Variants in GPHN observed in about 807,000 individuals in gnomAD.
The protein encoded by GPHN is gephyrin.
In GPHN, 17 loss-of-function variants were observed where a neutral mutation model predicts 95.5. The observed-to-expected ratio is 0.18, with a 90% CI of 0.12 to 0.27. The LOEUF (loss-of-function observed/expected upper bound fraction) is 0.27. Ranked by LOEUF, GPHN falls within the 10% of genes least tolerant of loss-of-function variation. GPHN has a pLI of 1.00. For missense variants in GPHN, 660 were observed against 978.1 expected (o/e 0.67, Z 4.34); for synonymous variants, 320 against 322.5 (o/e 0.99, Z 0.08).
the GPHN span, chr14:67,562,231 G>A: frequency 6.2e-7 from 1 of 1,612,490 alleles, no homozygotes; most frequent in Non-Finnish European, 8.5e-7. Context: ...TCCAGCCTAT[G>A]GGCCAGGACA....
intron 10 of GPHN, among the ~76,000 whole-genome samples, chr14:67,026,240 G>A (rs548887282): frequency 1.3e-5 from 2 of 152,286 alleles, no homozygotes; most frequent in East Asian, 3.9e-4. Context: ...ATTTTAAAAT[G>A]TGGTAATAAG....
intron 1 of GPHN, among the ~76,000 whole-genome samples, chr14:66,595,298 T>C (rs923482914): frequency 1.3e-5 from 2 of 152,214 alleles, no homozygotes; most frequent in South Asian, 4.1e-4. Flanking sequence ...TACTATTTAG[T>C]GTATGTCCAA....
the GPHN span, chr14:67,374,725 G>T: frequency 2.4e-6 from 1 of 419,996 alleles, no homozygotes; most frequent in South Asian, 7.1e-5. Flanking sequence ...GACTTCAACT[G>T]CTTTAACTTG....
chr14:66,617,690 T>G (rs1375307642), intron 1 of GPHN, among the ~76,000 whole-genome samples: 3 of 152,222 alleles, frequency 2.0e-5, no homozygotes, highest in Admixed American at 6.5e-5. Context: ...ATTTCCCTTT[T>G]TCCTAGGTCG....
chr14:66,604,798 C>A (rs2062436203), intron 1 of GPHN, among the ~76,000 whole-genome samples: 1 of 151,926 alleles, frequency 6.6e-6, no homozygotes. Context: ...GATCCTGTCA[C>A]CCAGGTACTG....
chr14:66,796,123 T>G (rs1024385948), intron 3 of GPHN, among the ~76,000 whole-genome samples: 3 of 152,172 alleles, frequency 2.0e-5, no homozygotes, highest in Non-Finnish European at 4.4e-5. Flanking sequence ...CTTAACATAA[T>G]GACATCCAGT....
chr14:66,812,753 G>A (rs1345228648), intron 3 of GPHN, among the ~76,000 whole-genome samples: 3 of 152,166 alleles, frequency 2.0e-5, no homozygotes, highest in Non-Finnish European at 2.9e-5. Flanking sequence ...TATAAAGCAG[G>A]TTGAATTGGC....
the GPHN span, among the ~76,000 whole-genome samples, chr14:67,643,292 C>T: frequency 6.9e-3 from 1,057 of 152,230 alleles, 13 homozygotes; most frequent in African/African-American, 0.024. Flanking sequence ...ATGGAATAAA[C>T]AAAAATATTG....
chr14:66,586,957 CAG>C (rs1242468027), intron 1 of GPHN, among the ~76,000 whole-genome samples: 8 of 151,884 alleles, frequency 5.3e-5, no homozygotes, highest in East Asian at 1.9e-4. Flanking sequence ...ATGAACAAAA[CAG>C]AATTGATTTT....
chr14:67,380,262 GGAA>G, the GPHN span, among the ~76,000 whole-genome samples: 1 of 152,072 alleles, frequency 6.6e-6, no homozygotes, highest in Non-Finnish European at 1.5e-5. Flanking sequence ...CTCATTAACT[GGAA>G]GTAATACCTT....
the GPHN span, chr14:67,348,806 C>T: frequency 2.4e-6 from 1 of 414,800 alleles, no homozygotes; most frequent in Non-Finnish European, 4.4e-6. Context: ...AGGCATGAGC[C>T]ACCGTGCCCA....
chr14:67,270,000 C>T, the GPHN span: 1 of 152,114 alleles, frequency 6.6e-6, no homozygotes, highest in East Asian at 1.9e-4. Flanking sequence ...GTAGACTGAA[C>T]ATGTTTATGC....
intron 20 of GPHN, 46 bp downstream of exon 20, chr14:67,165,272 C>T (rs907586975): frequency 7.1e-7 from 1 of 1,406,604 alleles, no homozygotes; most frequent in Non-Finnish European, 1.0e-6. Flanking sequence ...GAAAAATAGC[C>T]AAAATTTTTT....
chr14:66,920,189 G>A (rs1365700543), intron 6 of GPHN, among the ~76,000 whole-genome samples: 1 of 152,200 alleles, frequency 6.6e-6, no homozygotes, highest in Non-Finnish European at 1.5e-5. Flanking sequence ...GGGAACAAGG[G>A]ATGAAGGGCT....
At chr14:67,699,589 CAAAAAAAAAAAA>C in the GPHN span, among the ~76,000 whole-genome samples, 3 of 50,804 alleles carry the variant, frequency 5.9e-5, no homozygotes, top group East Asian at 1.2e-3. Context: ...GACCCTATCT[CAAAAAAAAAAAA>C]AAAAAAAAAA....
At chr14:67,577,851 A>G in the GPHN span, among the ~76,000 whole-genome samples, 1 of 152,208 alleles carries the variant, frequency 6.6e-6, no homozygotes, top group Non-Finnish European at 1.5e-5. Flanking sequence ...AAAGTAGCCC[A>G]TAGCCCCTTT....
intron 1 of GPHN, among the ~76,000 whole-genome samples, chr14:66,658,642 A>C (rs530984725): frequency 6.6e-6 from 1 of 152,302 alleles, no homozygotes; most frequent in South Asian, 2.1e-4. Flanking sequence ...TTTTTGCAAT[A>C]AGATCTTTTA....
At chr14:66,885,368 G>C (rs1386596519) in intron 5 of GPHN, among the ~76,000 whole-genome samples, 6 of 152,108 alleles carry the variant, frequency 3.9e-5, no homozygotes, top group Non-Finnish European at 7.4e-5. Flanking sequence ...GACTTGACTA[G>C]TAGATTTTGG....
intron 5 of GPHN, among the ~76,000 whole-genome samples, chr14:66,893,957 T>C (rs908752291): frequency 2.6e-5 from 4 of 152,210 alleles, no homozygotes; most frequent in South Asian, 2.1e-4. Context: ...TTTATAGATT[T>C]AATGCCATCC....
Sources: allele counts gnomAD v4.1 joint callset (sites outside exome capture counted in the v4.1 genomes callset), GRCh38; gene constraint gnomAD v4.1.1; transcripts MANE v1.5; gene names NCBI Gene and HGNC (gene_info 2026-07-23, HGNC 2026-07-21).